Variants in GAPVD1 observed in about 807,000 individuals in gnomAD.
GAPVD1 encodes GTPase-activating protein and VPS9 domain-containing protein 1.
A neutral mutation model predicts 155.5 loss-of-function variants in GAPVD1; 35 were observed. That is an observed-to-expected ratio of 0.23 (90% CI 0.17 to 0.30). GAPVD1 has a LOEUF of 0.30. Among genes scored for constraint, GAPVD1 ranks in the 10% least tolerant of loss-of-function variants. The probability of loss-of-function intolerance (pLI) is 1.00; values close to 1 mark genes in which losing one functional copy is unlikely to be tolerated. For missense variants in GAPVD1, 1,429 were observed against 1,775.7 expected (o/e 0.80, Z 3.51); for synonymous variants, 636 against 619.7 (o/e 1.03, Z -0.39).
intron 9 of GAPVD1, among the ~76,000 whole-genome samples, chr9:125,314,520 G>A (rs546414578): frequency 1.4e-3 from 212 of 152,042 alleles, no homozygotes; most frequent in African/African-American, 4.6e-3. Flanking sequence ...TGGGTGTGGT[G>A]GCGCATGCCT....
intron 20 of GAPVD1, 77 bp from the exon 21 acceptor site, chr9:125,349,313 T>C: frequency 2.5e-6 from 3 of 1,207,206 alleles, no homozygotes; most frequent in Non-Finnish European, 3.5e-6. Flanking sequence ...ATTCTTGAGT[T>C]GCTCTGAATA....
intron 11 of GAPVD1, among the ~76,000 whole-genome samples, chr9:125,325,241 G>C (rs1032692671): frequency 6.8e-6 from 1 of 146,834 alleles, no homozygotes; most frequent in Non-Finnish European, 1.5e-5. Flanking sequence ...AAAAAGATGG[G>C]CCGGGTGCGG....
In GAPVD1 at chr9:125,302,502, T is replaced by G; in HGVS notation, c.705T>G (p.Phe235Leu). 1.2e-6 allele frequency: 2 copies of G among 1,613,886 alleles called. No individual in the cohort carries two copies. Among genetic ancestry groups the G allele is most frequent in the Non-Finnish European group, 1.7e-6 (2 of 1,179,976 alleles). Residue 235 changes from phenylalanine to leucine, a missense_variant, in exon 5 of 28, where the codon TTT (phenylalanine) becomes TTG (leucine). Around this residue, in one of 4 missense-constraint regions of GAPVD1, gnomAD observed 628 missense variants for 733.4 expected, o/e 0.86. Coordinates refer to ENST00000297933, the MANE Select transcript of GAPVD1 (RefSeq NM_001282680.3). The part of the protein sequence containing the change: ...RFSPSQQEKL[F>L]GEKGSDRFRQ... ...CTCCATCTCAGCAGGAAAAACTCTT[T>G]GGAGAGAAGGGCTCAGATAGATTCA...
chr9:125,340,115 G>A (rs1589045839), intron 17 of GAPVD1, among the ~76,000 whole-genome samples: 1 of 152,120 alleles, frequency 6.6e-6, no homozygotes, highest in Admixed American at 6.6e-5. Context: ...CCACCTCCCG[G>A]GTTCAAGTGA....
chr9:125,269,418 A>G (rs189731317), intron 2 of GAPVD1, among the ~76,000 whole-genome samples: 1,702 of 152,110 alleles, frequency 0.011, 15 homozygotes, highest in South Asian at 0.038. Context: ...TGAACTACCT[A>G]AACTTGTGCT....
At chr9:125,297,774 C>T (rs1330831193) in intron 3 of GAPVD1, among the ~76,000 whole-genome samples, 1 of 152,096 alleles carries the variant, frequency 6.6e-6, no homozygotes, top group East Asian at 1.9e-4. Context: ...GAGATAGAGT[C>T]TCACTCTATT....
rs1476937254 is a variant in GAPVD1 at position 125,305,070 on chromosome 9, G to A, written c.1037G>A (p.Arg346His). ...VARFNLMQVG[R>H]LLQQLAMTGS... ...CACTGCTTTGGGTTGCAGGTAGGCC[G>A]CCTTTTGCAGCAGTTAGCAATGACT... The change falls in exon 6 of 28, where the codon CGC becomes CAC. Residue 346 changes from arginine to histidine, a missense_variant. Around this residue, in one of 4 missense-constraint regions of GAPVD1, gnomAD observed 628 missense variants for 733.4 expected, o/e 0.86. Transcript: ENST00000297933. The A allele has an allele frequency of 5.6e-6, 9 of 1,612,882 alleles. No homozygotes were observed. Among genetic ancestry groups the A allele is most frequent in the East Asian group, 4.5e-5 (2 of 44,880 alleles).
At chr9:125,280,263 G>A (rs1017364893) in intron 2 of GAPVD1, among the ~76,000 whole-genome samples, 2 of 150,992 alleles carry the variant, frequency 1.3e-5, no homozygotes, top group East Asian at 2.1e-4. Flanking sequence ...AGGCATGGTG[G>A]TGCATGCCTG....
In GAPVD1 at chr9:125,302,670, C is replaced by T. The variant is rs1160420092; in HGVS notation, c.873C>T (p.Leu291=). ...RWIVSQMYKT[L]SCVDRLEVGE... ...TCGTGTCTCAGATGTACAAAACCCT[C>T]TCCTGTGTAGATAGGCTGGAAGTTG... The change falls in exon 5 of 28, where the codon CTC becomes CTT. Residue 291 remains leucine, a synonymous_variant. Coordinates refer to ENST00000297933, the MANE Select transcript of GAPVD1 (RefSeq NM_001282680.3). 2 of 1,613,886 alleles carry T rather than the reference C, an allele frequency of 1.2e-6. No individual in the cohort carries two copies. Among genetic ancestry groups the T allele is most frequent in the South Asian group, 1.1e-5 (1 of 91,068 alleles).
intron 17 of GAPVD1, among the ~76,000 whole-genome samples, chr9:125,338,588 G>A (rs1483007969): frequency 6.6e-6 from 1 of 152,052 alleles, no homozygotes; most frequent in Non-Finnish European, 1.5e-5. Flanking sequence ...TTGTTTTCTC[G>A]AATGTTCCTC....
intron 13 of GAPVD1, 92 bp downstream of exon 13, chr9:125,330,310 A>T: frequency 1.2e-6 from 1 of 833,628 alleles, no homozygotes; most frequent in Non-Finnish European, 1.8e-6. Context: ...ATATTTTGTC[A>T]AATACACTTT....
rs150880133 is a variant in GAPVD1, at chr9:125,284,509, G to A, written c.-149-10949G>A. On this transcript the variant is annotated intron_variant, in intron 2 of 27. Coordinates refer to ENST00000297933, the MANE Select transcript of GAPVD1 (RefSeq NM_001282680.3). ...TTTTTTTTTAAAGAGACAGGGTCTC[G>A]TTATGTTGCCCAGGCTGTTCTCGAA... is the stretch of plus-strand genomic sequence containing the variant. Among the ~76,000 whole-genome samples, 810 of 151,200 alleles carry A rather than the reference G, an allele frequency of 5.4e-3. 2 individuals carry two copies. Among genetic ancestry groups the A allele is most frequent in the Middle Eastern group, 0.027 (8 of 294 alleles).
chr9:125,343,684 G>A (rs1225067915), intron 19 of GAPVD1, among the ~76,000 whole-genome samples: 2 of 152,212 alleles, frequency 1.3e-5, no homozygotes, highest in Admixed American at 6.5e-5. Flanking sequence ...TGTTGACCAT[G>A]TGACTCATGC....
rs576901436 is a variant in GAPVD1, at chr9:125,303,552, G to A, written c.1029+726G>A. ...AGCACTTTGGGAGGCCGAGGCGGGC[G>A]GATCACCTGATGTCCAGAGTTTGAG... On this transcript the variant is annotated intron_variant, in intron 5 of 27. Coordinates refer to ENST00000297933, the MANE Select transcript of GAPVD1 (RefSeq NM_001282680.3). Among the ~76,000 whole-genome samples the A allele has an allele frequency of 7.2e-5, 11 of 151,800 alleles. No individual in the cohort carries two copies. The South Asian group carries it at 1.5e-3, about 20-fold the overall frequency.
At chr9:125,264,009 G>A in intron 1 of GAPVD1, 1 of 1,320,474 alleles carries the variant, frequency 7.6e-7, no homozygotes, top group Non-Finnish European at 1.1e-6. Flanking sequence ...GCCAGCTCTG[G>A]GTGCTTAGGC....
chr9:125,308,972 G>A (rs189485781), intron 8 of GAPVD1: 18 of 152,310 alleles, frequency 1.2e-4, no homozygotes, highest in African/African-American at 4.3e-4. Context: ...TGATGAATGG[G>A]AGTTAGACAA....
intron 12 of GAPVD1, among the ~76,000 whole-genome samples, chr9:125,328,240 T>C (rs1588971157): frequency 7.0e-6 from 1 of 143,652 alleles, no homozygotes; most frequent in Non-Finnish European, 1.5e-5. Flanking sequence ...CTTGGGTGTT[T>C]CTCACAGAGG....
At chr9:125,264,096 G>C (rs1833432916) in intron 1 of GAPVD1, 8 of 770,218 alleles carry the variant, frequency 1.0e-5, no homozygotes, top group South Asian at 8.5e-5. Context: ...TTCTTTAGAA[G>C]AACATTTGAA....
intron 1 of GAPVD1, among the ~76,000 whole-genome samples, chr9:125,267,707 C>A (rs1834197493): frequency 6.6e-6 from 1 of 151,710 alleles, no homozygotes; most frequent in African/African-American, 2.4e-5. Flanking sequence ...CCATGCCTGA[C>A]CAATTAAAAA....
Sources: gnomAD v4.1 joint callset for allele counts (sites outside exome capture counted in the v4.1 genomes callset) on GRCh38, gnomAD v4.1.1 for gene constraint, gnomAD v4.1.1 regional missense constraint, MANE v1.5 for transcripts, NCBI Gene and HGNC (gene_info 2026-07-23, HGNC 2026-07-21) for gene names.